The following FBN2 variants were observed in gnomAD, a reference collection of about 807,000 sequenced individuals.
FBN2 encodes fibrillin 2.
In FBN2, 105 loss-of-function variants were observed where a neutral mutation model predicts 355.6. That is an observed-to-expected ratio of 0.30 (90% CI 0.25 to 0.35). FBN2 has a LOEUF of 0.35. Among genes scored for constraint, FBN2 ranks in the 10% least tolerant of loss-of-function variants. FBN2 has a pLI of 1.00. For synonymous variants in FBN2, 1,350 were observed against 1,301.2 expected (o/e 1.04, Z -0.81); for missense variants, 3,280 against 3,758.7 (o/e 0.87, Z 3.33).
At chr5:128,297,772 G>A (rs1399648088) in intron 48 of FBN2, among the ~76,000 whole-genome samples, 2 of 152,018 alleles carry the variant, frequency 1.3e-5, no homozygotes, top group Admixed American at 6.6e-5. Flanking sequence ...CACACTGATG[G>A]GTCTTGAGTC....
At chr5:128,295,391 A>C (rs1171396290) in intron 48 of FBN2, among the ~76,000 whole-genome samples, 2 of 150,908 alleles carry the variant, frequency 1.3e-5, no homozygotes, top group Non-Finnish European at 3.0e-5. Flanking sequence ...TGGTAGCTTC[A>C]TGGGGATGGC....
chr5:128,328,972 C>T (rs1750624680), intron 33 of FBN2, 151 bp from the exon 34 acceptor site: 4 of 791,872 alleles, frequency 5.1e-6, no homozygotes, highest in South Asian at 3.0e-5. Context: ...AGGAGGGTAT[C>T]AACCTGAGAG....
In FBN2 at chr5:128,305,253, T is replaced by C. The variant is rs7720552; in HGVS notation, c.5675-171A>G. On this transcript the variant is annotated intron_variant, in intron 44 of 64. Coordinates refer to ENST00000262464, the MANE Select transcript of FBN2 (RefSeq NM_001999.4). Reference sequence around the variant, plus strand: ...GGACTTCAAAGTATCCAACCCTCTTTTTTTAATCATGCAAATTTTTTTATG... The same window carrying C: ...GGACTTCAAAGTATCCAACCCTCTTCTTTTAATCATGCAAATTTTTTTATG... 0.046 allele frequency among the ~76,000 whole-genome samples: 6,959 copies of C among 152,264 alleles called. 567 individuals are homozygous for C. The highest frequency in any genetic ancestry group is 0.16 in the African/African-American group (6,564 of 41,532).
intron 6 of FBN2, among the ~76,000 whole-genome samples, chr5:128,462,049 G>A (rs533388783): frequency 6.6e-5 from 10 of 152,024 alleles, no homozygotes; most frequent in Non-Finnish European, 1.5e-4. Flanking sequence ...TTAATTTCCT[G>A]TTGTCCCTCA....
rs948122311 is a variant in FBN2 at position 128,344,609 on chromosome 5, C to T, written c.3218-99G>A. On this transcript the variant is annotated intron_variant, in intron 24 of 64. Coordinates refer to ENST00000262464, the MANE Select transcript of FBN2 (RefSeq NM_001999.4). Reference sequence around the variant, plus strand: ...TCTATCATGATGGACAACAGTAATGCATCCAAGTAAAAAACAGGGCTACTA... The same window carrying T: ...TCTATCATGATGGACAACAGTAATGTATCCAAGTAAAAAACAGGGCTACTA... The T allele has an allele frequency of 9.9e-6, 11 of 1,115,650 alleles. No homozygotes were observed. In the African/African-American group the frequency reaches 1.4e-4, roughly 14 times the overall value. The allele number at this position is 1,115,650 out of a possible 1,614,324, so 69.1% of individuals were successfully genotyped here.
At chr5:128,330,775 A>G in intron 32 of FBN2, 80 bp from the exon 33 acceptor site, 1 of 1,471,938 alleles carries the variant, frequency 6.8e-7, no homozygotes, top group Non-Finnish European at 9.5e-7. Context: ...GTCTTAATTT[A>G]CATATAAACT....
Position 128,273,856 on chromosome 5 carries a change from G to T in FBN2, c.7824C>A (p.Thr2608=), listed in dbSNP as rs28763922. 4 of 1,613,686 alleles carry T rather than the reference G, an allele frequency of 2.5e-6. No homozygotes were observed. The South Asian group carries it at 4.4e-5, about 18-fold the overall frequency. Residue 2608 remains threonine (T), a synonymous_variant, in exon 61 of 65, where the codon ACC becomes ACA. Transcript: ENST00000262464. ...TCAACTAACCTTCACAGTTCAGTCCGGTGGCATCAAGAGAGAACCCTCTTT... is the reference window on the plus strand; with the variant it reads ...TCAACTAACCTTCACAGTTCAGTCCTGTGGCATCAAGAGAGAACCCTCTTT... The part of the protein sequence containing the change: ...ECQRGFSLDA[T]GLNCEDVDEC...
At chr5:128,534,009 A>T (rs1756781782) in intron 2 of FBN2, among the ~76,000 whole-genome samples, 1 of 152,172 alleles carries the variant, frequency 6.6e-6, no homozygotes, top group Non-Finnish European at 1.5e-5. Context: ...TTAGGTTTCC[A>T]GAACTTGGAG....
At chr5:128,267,891 G>A (rs957248180) in intron 62 of FBN2, among the ~76,000 whole-genome samples, 6 of 152,084 alleles carry the variant, frequency 3.9e-5, no homozygotes, top group African/African-American at 1.4e-4. Context: ...CACTGTTTAG[G>A]GGAAATTTAT....
chr5:128,395,185 A>G lies in FBN2; in HGVS notation c.1168T>C (p.Cys390Arg), dbSNP rs752369473. ...ATGCCCCAGCAGCGGCCAGGCTCAC[A>G]GCAGCACTGCATTTTCGTCATTCTC... ...PGRMTKMQCC[C>R]EPGRCWGIGT... The change falls in exon 9 of 65, where the codon TGT (cysteine) becomes CGT (arginine). Residue 390 changes from cysteine (C) to arginine (R), a missense_variant. Cys to Arg is a radical substitution (Grantham distance 180). This residue lies in a region of FBN2 where 343 missense variants were observed against 331.0 expected (regional missense o/e 1.04). Transcript: ENST00000262464. 6.2e-7 allele frequency: 1 copy of G among 1,614,176 alleles called. No individual in the cohort carries two copies. Among genetic ancestry groups the G allele is most frequent in the South Asian group, 1.1e-5 (1 of 91,084 alleles).
intron 2 of FBN2, among the ~76,000 whole-genome samples, chr5:128,535,683 G>A (rs796619303): frequency 1.1e-4 from 17 of 152,210 alleles, no homozygotes; most frequent in African/African-American, 4.1e-4. Context: ...TTTGGAAACA[G>A]AATAAAATAA....
chr5:128,514,288 A>G (rs1181376870), intron 5 of FBN2, among the ~76,000 whole-genome samples: 2 of 152,202 alleles, frequency 1.3e-5, no homozygotes, highest in Non-Finnish European at 2.9e-5. Context: ...TTCCCACTGT[A>G]GTAAGCTATG....
chr5:128,430,188 C>A (rs914820790), intron 7 of FBN2, among the ~76,000 whole-genome samples: 1 of 151,864 alleles, frequency 6.6e-6, no homozygotes, highest in African/African-American at 2.4e-5. Context: ...TTTTCTTTGG[C>A]ATTTTTCTTT....
At chr5:128,368,389 G>T (rs1751829300) in intron 16 of FBN2, among the ~76,000 whole-genome samples, 1 of 147,980 alleles carries the variant, frequency 6.8e-6, no homozygotes, top group African/African-American at 2.5e-5. Context: ...TATATATAGA[G>T]AGAGATCTTC....
intron 7 of FBN2, among the ~76,000 whole-genome samples, chr5:128,427,067 T>TA (rs1477322477): frequency 6.6e-6 from 1 of 152,154 alleles, no homozygotes; most frequent in Non-Finnish European, 1.5e-5. Flanking sequence ...ACTTGACTCA[T>TA]ATATGCAATT....
At chr5:128,518,692 ATGTTTCCTTAGTGAC>A (rs1354455288) in intron 5 of FBN2, among the ~76,000 whole-genome samples, 2 of 152,156 alleles carry the variant, frequency 1.3e-5, no homozygotes, top group Admixed American at 1.3e-4. Context: ...AAGAAGAAAC[ATGTTTCCTTAGTGAC>A]TGCTGACAGC....
chr5:128,504,265 C>T (rs1006978649), intron 5 of FBN2, among the ~76,000 whole-genome samples: 4 of 152,102 alleles, frequency 2.6e-5, no homozygotes, highest in Non-Finnish European at 4.4e-5. Context: ...AATGTGGGGT[C>T]GCAGCCCCCA....
At chr5:128,488,342 T>C (rs1254905616) in intron 5 of FBN2, among the ~76,000 whole-genome samples, 1 of 152,160 alleles carries the variant, frequency 6.6e-6, no homozygotes, top group African/African-American at 2.4e-5. Context: ...ATATCAACCA[T>C]GAATTGTCCG....
Position 128,377,437 on chromosome 5 carries a change from A to T in FBN2, c.1849+315T>A, listed in dbSNP as rs766753902. On this transcript the variant is annotated intron_variant, in intron 13 of 64. Coordinates refer to ENST00000262464, the MANE Select transcript of FBN2 (RefSeq NM_001999.4). ...ACCTGAAATACAGTAGCGGTCAGTAATTGTTTAAACTTATGAAGAATAACT... is the reference window on the plus strand; with the variant it reads ...ACCTGAAATACAGTAGCGGTCAGTATTTGTTTAAACTTATGAAGAATAACT... Among the ~76,000 whole-genome samples the T allele has an allele frequency of 5.4e-4, 82 of 152,134 alleles. 2 individuals are homozygous for T. The highest frequency in any genetic ancestry group is 2.2e-4 in the Non-Finnish European group (15 of 68,020).
Sources: allele counts gnomAD v4.1 joint callset (sites outside exome capture counted in the v4.1 genomes callset), GRCh38; gene constraint gnomAD v4.1.1; regional missense constraint gnomAD v4.1.1; transcripts MANE v1.5; gene names NCBI Gene and HGNC (gene_info 2026-07-23, HGNC 2026-07-21).